Variants in DLGAP2 observed in about 807,000 individuals in gnomAD.
The protein encoded by DLGAP2 is disks large-associated protein 2.
A neutral mutation model predicts 100.3 loss-of-function variants in DLGAP2; 26 were observed. The observed-to-expected ratio is 0.26, with a 90% CI of 0.19 to 0.36. The LOEUF is 0.36. Among genes scored for constraint, DLGAP2 ranks in the 10% least tolerant of loss-of-function variants. The pLI is 1.00. For missense variants in DLGAP2, 1,858 were observed against 1,453.2 expected, an observed-to-expected ratio of 1.28 and a Z score of -4.53; for synonymous variants, 886 against 630.1, an observed-to-expected ratio of 1.41 and a Z score of -6.08.
intron 10 of DLGAP2, among the ~76,000 whole-genome samples, chr8:1,676,000 G>C (rs1798802877): frequency 6.6e-6 from 1 of 152,182 alleles, no homozygotes; most frequent in Non-Finnish European, 1.5e-5. Flanking sequence ...ACGTCACCCT[G>C]CTGGCCATCC....
chr8:1,574,586 C>T (rs1802886692), intron 6 of DLGAP2, among the ~76,000 whole-genome samples: 2 of 152,174 alleles, frequency 1.3e-5, no homozygotes, highest in African/African-American at 2.4e-5. Flanking sequence ...TCAATACCAT[C>T]GAGCAAGCAC....
intron 2 of DLGAP2, among the ~76,000 whole-genome samples, chr8:913,974 T>C (rs1428232788): frequency 1.3e-5 from 2 of 152,118 alleles, no homozygotes; most frequent in East Asian, 3.9e-4. Flanking sequence ...AAGTGGGAAA[T>C]CTCCACGTGT....
At chr8:954,552 T>G (rs886759053) in intron 2 of DLGAP2, among the ~76,000 whole-genome samples, 13 of 152,198 alleles carry the variant, frequency 8.5e-5, no homozygotes, top group African/African-American at 2.9e-4. Flanking sequence ...AACTGCAGCT[T>G]CATACATCAG....
At chr8:1,264,382 G>A (rs989810286) in intron 3 of DLGAP2, among the ~76,000 whole-genome samples, 14 of 152,090 alleles carry the variant, frequency 9.2e-5, no homozygotes, top group African/African-American at 2.2e-4. Flanking sequence ...CAGCTTCCCC[G>A]TTTGTGAGAA....
intron 8 of DLGAP2, among the ~76,000 whole-genome samples, chr8:1,666,060 C>G (rs149915383): frequency 6.6e-6 from 1 of 152,292 alleles, no homozygotes; most frequent in African/African-American, 2.4e-5. Context: ...CAGTCCCCAA[C>G]GCGTCCCACC....
chr8:1,157,282 C>CG (rs1478054123), intron 2 of DLGAP2, among the ~76,000 whole-genome samples: 1 of 152,086 alleles, frequency 6.6e-6, no homozygotes, highest in African/African-American at 2.4e-5. Context: ...GGCACAGATG[C>CG]GGGCTGTGAT....
At chr8:1,255,075 CTG>C (rs1360488813) in intron 2 of DLGAP2, among the ~76,000 whole-genome samples, 1 of 140,026 alleles carries the variant, frequency 7.1e-6, no homozygotes, top group African/African-American at 2.7e-5. Context: ...TGCCCGGCCG[CTG>C]TGTGTGTGTC....
chr8:1,428,460 A>G lies in DLGAP2; in HGVS notation c.107-72906A>G, dbSNP rs530331246. On this transcript the variant is annotated intron_variant, in intron 3 of 14. Coordinates refer to ENST00000637795, the MANE Select transcript of DLGAP2 (RefSeq NM_001346810.2). ...AGTGAGTGAGTATGTGCCAGGGAAT[A>G]CAAAAGAGGGGAAAGCTACTTGGCT... is the stretch of plus-strand genomic sequence containing the variant. 2.6e-5 allele frequency among the ~76,000 whole-genome samples: 4 copies of G among 152,272 alleles called. No homozygotes were observed. In the East Asian group the frequency reaches 7.7e-4, roughly 29 times the overall value.
chr8:1,146,616 C>CATGTGTGTGCACCTGCGCAT (rs1563215613), intron 2 of DLGAP2, among the ~76,000 whole-genome samples: 1 of 151,824 alleles, frequency 6.6e-6, no homozygotes, highest in Non-Finnish European at 1.5e-5. Flanking sequence ...TGTGCATGCA[C>CATGTGTGTGCACCTGCGCAT]GTGTGTGCAT....
chr8:1,549,981 C>T lies in DLGAP2; in HGVS notation c.1230+298C>T, dbSNP rs543057267. 7.9e-5 allele frequency among the ~76,000 whole-genome samples: 12 copies of T among 152,314 alleles called. No homozygotes were observed. In the South Asian group the frequency reaches 2.5e-3, roughly 32 times the overall value. ...GCCAACAGGTCTCTTGAGCTGACCC[C>T]TCCTCACTGAAATGTTGTCCTTTGA... On this transcript the variant is annotated intron_variant, in intron 5 of 14. Coordinates refer to ENST00000637795, the MANE Select transcript of DLGAP2 (RefSeq NM_001346810.2).
intron 1 of DLGAP2, among the ~76,000 whole-genome samples, chr8:883,933 T>C (rs1304398119): frequency 6.6e-6 from 1 of 152,232 alleles, no homozygotes; most frequent in East Asian, 1.9e-4. Context: ...GGATAATGGC[T>C]TCCAGCTTCA....
At chr8:1,078,276 G>C (rs796949955) in intron 2 of DLGAP2, among the ~76,000 whole-genome samples, 15 of 152,290 alleles carry the variant, frequency 9.8e-5, no homozygotes, top group African/African-American at 3.6e-4. Context: ...AGCAGGTTTA[G>C]GTTCACAGAA....
intron 1 of DLGAP2, among the ~76,000 whole-genome samples, chr8:834,472 T>C (rs1382973545): frequency 6.6e-6 from 1 of 152,236 alleles, no homozygotes; most frequent in African/African-American, 2.4e-5. Context: ...AGGACATTTT[T>C]GATAAACAGA....
At chr8:1,522,557 C>T (rs1200992105) in intron 4 of DLGAP2, among the ~76,000 whole-genome samples, 3 of 152,218 alleles carry the variant, frequency 2.0e-5, no homozygotes, top group Non-Finnish European at 4.4e-5. Flanking sequence ...TACTTCCTTA[C>T]GTCTTGGTTT....
chr8:823,364 G>A (rs1261922218), intron 1 of DLGAP2, among the ~76,000 whole-genome samples: 1 of 151,854 alleles, frequency 6.6e-6, no homozygotes, highest in Non-Finnish European at 1.5e-5. Flanking sequence ...CCCCTGATCA[G>A]AAAAGACAGT....
At chr8:775,422 T>C (rs2132614985) in intron 1 of DLGAP2, among the ~76,000 whole-genome samples, 1 of 145,418 alleles carries the variant, frequency 6.9e-6, no homozygotes, top group Middle Eastern at 3.5e-3. Flanking sequence ...ATCCCTGTCT[T>C]GTGCCAGTTT....
chr8:1,153,129 A>C (rs774646108), intron 2 of DLGAP2, among the ~76,000 whole-genome samples: 5 of 152,160 alleles, frequency 3.3e-5, no homozygotes, highest in Non-Finnish European at 7.3e-5. Context: ...GACTTAGTGC[A>C]TTTCCACTTT....
chr8:1,583,899 C>T (rs923953512), intron 6 of DLGAP2, among the ~76,000 whole-genome samples: 1 of 152,078 alleles, frequency 6.6e-6, no homozygotes, highest in Non-Finnish European at 1.5e-5. Flanking sequence ...CCTCCTCGCT[C>T]CTCTGACTTG....
At chr8:917,242 CCTTCCTTCCTTT>C (rs1306550464) in intron 2 of DLGAP2, among the ~76,000 whole-genome samples, 1 of 138,958 alleles carries the variant, frequency 7.2e-6, no homozygotes, top group Non-Finnish European at 1.6e-5. Context: ...TTCCTTCCTT[CCTTCCTTCCTTT>C]CTTCCTGACA....
Sources: gnomAD v4.1 joint callset for allele counts (sites outside exome capture counted in the v4.1 genomes callset) on GRCh38, gnomAD v4.1.1 for gene constraint, MANE v1.5 for transcripts, NCBI Gene and HGNC (gene_info 2026-07-23, HGNC 2026-07-21) for gene names.